OSBP2: variants seen among roughly 807,000 people sequenced by gnomAD.
OSBP2 encodes oxysterol binding protein 2.
In OSBP2, 66 loss-of-function variants were observed where a neutral mutation model predicts 96.0. The ratio of observed to expected loss-of-function variants is 0.69; its 90% CI spans 0.56 to 0.84. The LOEUF (loss-of-function observed/expected upper bound fraction) is 0.84. Ranked by LOEUF, OSBP2 falls within the 40% of genes least tolerant of loss-of-function variation. OSBP2 has a pLI of 0.00. For synonymous variants in OSBP2, 525 were observed against 520.9 expected (o/e 1.01, Z -0.11); for missense variants, 1,038 against 1,222.7 (o/e 0.85, Z 2.25).
At chr22:30,811,167 C>A (rs995729884) in intron 2 of OSBP2, among the ~76,000 whole-genome samples, 3 of 146,538 alleles carry the variant, frequency 2.0e-5, no homozygotes, top group Non-Finnish European at 4.5e-5. Context: ...ATACACAACC[C>A]CCCCCCCACA....
chr22:30,889,768 A>C (rs2039902201), intron 7 of OSBP2, 132 bp downstream of exon 7: 5 of 783,684 alleles, frequency 6.4e-6, no homozygotes, highest in Non-Finnish European at 1.1e-5. Context: ...CCTGAGGAGC[A>C]TGTAACTAAT....
At chr22:30,701,256 A>C (rs1423065129) in intron 1 of OSBP2, among the ~76,000 whole-genome samples, 2 of 152,092 alleles carry the variant, frequency 1.3e-5, no homozygotes, top group African/African-American at 4.8e-5. Flanking sequence ...CTCAGTTCTC[A>C]AAAGCCAACT....
chr22:30,781,001 G>A (rs1368474179), intron 2 of OSBP2, among the ~76,000 whole-genome samples: 1 of 151,328 alleles, frequency 6.6e-6, no homozygotes, highest in Non-Finnish European at 1.5e-5. Context: ...TTGAGACGGA[G>A]TTTCGCTGTT....
chr22:30,795,499 C>T (rs1275491447), intron 2 of OSBP2, among the ~76,000 whole-genome samples: 3 of 150,690 alleles, frequency 2.0e-5, no homozygotes, highest in African/African-American at 4.9e-5. Context: ...TCCATTCTGC[C>T]GTTAAACCTA....
chr22:30,806,639 A>T (rs2090932021), intron 2 of OSBP2, among the ~76,000 whole-genome samples: 1 of 152,172 alleles, frequency 6.6e-6, no homozygotes. Context: ...TCTTTATTCC[A>T]CTGCCCTGGA....
intron 1 of OSBP2, among the ~76,000 whole-genome samples, chr22:30,710,561 C>G (rs2089330534): frequency 6.6e-6 from 1 of 151,082 alleles, no homozygotes; most frequent in Non-Finnish European, 1.5e-5. Context: ...TCCTTGCTGT[C>G]TGGCTTGAAA....
At chr22:30,847,872 C>G (rs2038901844) in intron 2 of OSBP2, among the ~76,000 whole-genome samples, 1 of 152,052 alleles carries the variant, frequency 6.6e-6, no homozygotes, top group Admixed American at 6.6e-5. Context: ...CTTTTTTCGT[C>G]CTCAATCTGG....
At chr22:30,701,596 G>A (rs1415155518) in intron 1 of OSBP2, among the ~76,000 whole-genome samples, 1 of 151,980 alleles carries the variant, frequency 6.6e-6, no homozygotes, top group Non-Finnish European at 1.5e-5. Context: ...GCCCGCCTCG[G>A]CCTCCCAAAG....
chr22:30,810,593 G>A (rs955582847), intron 2 of OSBP2, among the ~76,000 whole-genome samples: 4 of 152,152 alleles, frequency 2.6e-5, no homozygotes, highest in Admixed American at 1.3e-4. Context: ...AGAGGGTGAG[G>A]TGAGGCCTGC....
intron 2 of OSBP2, among the ~76,000 whole-genome samples, chr22:30,811,328 TTTATTTTA>T (rs2091003564): frequency 8.8e-6 from 1 of 113,834 alleles, no homozygotes; most frequent in Admixed American, 8.7e-5. Flanking sequence ...TTTATTTTTA[TTTATTTTA>T]TTTATTTATT....
At chr22:30,812,119 G>A (rs2091016199) in intron 2 of OSBP2, among the ~76,000 whole-genome samples, 1 of 152,086 alleles carries the variant, frequency 6.6e-6, no homozygotes, top group Non-Finnish European at 1.5e-5. Flanking sequence ...CTCCCAAAGT[G>A]CTGGGATTAC....
intron 2 of OSBP2, among the ~76,000 whole-genome samples, chr22:30,855,506 C>G (rs1479254422): frequency 2.0e-5 from 3 of 152,228 alleles, no homozygotes; most frequent in African/African-American, 7.2e-5. Flanking sequence ...TCTGTGCTGT[C>G]AGCAAGAATG....
At position 30,893,808 on chromosome 22, in the gene OSBP2, T is replaced by G; in HGVS notation, c.2191-9T>G. ...TCTGCACCTACGCTGGTCCTGCCAATGTCCACAGGTGACAGGAGTGGTGAG... is the reference window on the plus strand; with the variant it reads ...TCTGCACCTACGCTGGTCCTGCCAAGGTCCACAGGTGACAGGAGTGGTGAG... On this transcript the variant is annotated splice_polypyrimidine_tract_variant and intron_variant, in intron 11 of 13. Transcript: ENST00000332585. 1 of 1,599,444 alleles carries G rather than the reference T, an allele frequency of 6.3e-7. No individual in the cohort carries two copies. Among genetic ancestry groups the G allele is most frequent in the Non-Finnish European group, 8.5e-7 (1 of 1,172,842 alleles).
intron 2 of OSBP2, among the ~76,000 whole-genome samples, chr22:30,796,406 A>G (rs1267763538): frequency 6.6e-6 from 1 of 152,220 alleles, no homozygotes; most frequent in Non-Finnish European, 1.5e-5. Flanking sequence ...TAATTTTGAT[A>G]TTAAACTCTA....
At chr22:30,809,978 G>A (rs144900023) in intron 2 of OSBP2, among the ~76,000 whole-genome samples, 2 of 152,196 alleles carry the variant, frequency 1.3e-5, no homozygotes, top group East Asian at 3.9e-4. Context: ...TGATGAGGGA[G>A]CAGAGGAGAG....
chr22:30,694,399 C>T (rs1327049464), upstream of OSBP2: 8 of 1,466,752 alleles, frequency 5.5e-6, no homozygotes, highest in Admixed American at 2.2e-4. Context: ...CGCCCCTGTG[C>T]TTCGTGCGCA....
intron 2 of OSBP2, among the ~76,000 whole-genome samples, chr22:30,784,074 T>C (rs1269227623): frequency 1.3e-5 from 2 of 152,186 alleles, no homozygotes; most frequent in African/African-American, 2.4e-5. Flanking sequence ...GGTAGTTTCA[T>C]AGAGGCCTCT....
chr22:30,803,992 C>A (rs1227922427), intron 2 of OSBP2, among the ~76,000 whole-genome samples: 1 of 152,214 alleles, frequency 6.6e-6, no homozygotes, highest in East Asian at 1.9e-4. Flanking sequence ...CTACAGCTGC[C>A]CCCCTTCTGC....
intron 2 of OSBP2, among the ~76,000 whole-genome samples, chr22:30,851,222 A>G (rs1192265015): frequency 2.1e-5 from 3 of 144,438 alleles, no homozygotes; most frequent in South Asian, 2.2e-4. Flanking sequence ...CCACGCATAC[A>G]TGGCTAATTT....
Sources: gnomAD v4.1 joint callset for allele counts (sites outside exome capture counted in the v4.1 genomes callset) on GRCh38, gnomAD v4.1.1 for gene constraint, MANE v1.5 for transcripts, NCBI Gene and HGNC (gene_info 2026-07-23, HGNC 2026-07-21) for gene names.